HDAC9: variants seen among roughly 807,000 people sequenced by gnomAD.
HDAC9 encodes the protein histone deacetylase 9.
A neutral mutation model predicts 139.4 loss-of-function variants in HDAC9; 41 were observed. The ratio of observed to expected loss-of-function variants is 0.29; its 90% CI spans 0.23 to 0.38. HDAC9 has a LOEUF of 0.38. Ranked by LOEUF, HDAC9 falls within the 10% of genes least tolerant of loss-of-function variation. The pLI is 1.00. For missense variants in HDAC9, 1,147 were observed against 1,297.0 expected, an observed-to-expected ratio of 0.88 and a Z score of 1.78; for synonymous variants, 517 against 476.2, an observed-to-expected ratio of 1.09 and a Z score of -1.12.
chr7:18,847,022 A>G (rs1303715901), intron 21 of HDAC9, among the ~76,000 whole-genome samples: 1 of 152,138 alleles, frequency 6.6e-6, no homozygotes, highest in Non-Finnish European at 1.5e-5. Flanking sequence ...ATATTGTTTG[A>G]AGTTCTAAAA....
chr7:18,390,047 A>AACACAC (rs60514746), intron 1 of HDAC9, among the ~76,000 whole-genome samples: 20,534 of 130,300 alleles, frequency 0.16, 1,997 homozygotes, highest in South Asian at 0.23. Context: ...AGAGAAAGAC[A>AACACAC]ACACACACAC....
At chr7:18,182,209 G>A (rs1354716091) in intron 2 of HDAC9, among the ~76,000 whole-genome samples, 1 of 152,178 alleles carries the variant, frequency 6.6e-6, no homozygotes, top group Admixed American at 6.5e-5. Flanking sequence ...CTAGGTCATT[G>A]TGAAGGTATA....
intron 8 of HDAC9, among the ~76,000 whole-genome samples, chr7:18,637,224 A>C (rs1784164210): frequency 6.6e-6 from 1 of 152,024 alleles, no homozygotes; most frequent in Non-Finnish European, 1.5e-5. Context: ...TTCAGGGGGG[A>C]AGAAGGGGGA....
At chr7:18,920,436 C>A (rs895968958) in intron 22 of HDAC9, among the ~76,000 whole-genome samples, 2 of 152,090 alleles carry the variant, frequency 1.3e-5, no homozygotes, top group African/African-American at 2.4e-5. Context: ...ATGTCATCTG[C>A]AAACAGGGAC....
chr7:18,140,056 G>A (rs926224525), intron 1 of HDAC9, among the ~76,000 whole-genome samples: 16 of 152,158 alleles, frequency 1.1e-4, no homozygotes, highest in African/African-American at 3.9e-4. Flanking sequence ...CAACACTGTG[G>A]AGAAGTGTAA....
chr7:18,937,343 G>A (rs1055062731), intron 23 of HDAC9, among the ~76,000 whole-genome samples: 1 of 152,044 alleles, frequency 6.6e-6, no homozygotes, highest in Non-Finnish European at 1.5e-5. Context: ...TGGCTGTCTT[G>A]TTAATTTTAG....
intron 1 of HDAC9, among the ~76,000 whole-genome samples, chr7:18,460,135 C>G (rs536672226): frequency 2.0e-5 from 3 of 151,998 alleles, no homozygotes; most frequent in African/African-American, 7.2e-5. Context: ...TGTCCAGGCT[C>G]GTCTCCAACT....
chr7:18,976,133 C>A (rs960946600), intron 25 of HDAC9, among the ~76,000 whole-genome samples, 180 bp downstream of exon 25: 2 of 152,218 alleles, frequency 1.3e-5, no homozygotes, highest in Non-Finnish European at 2.9e-5. Context: ...TTGCTTCATT[C>A]TTCATGTGAA....
At chr7:18,270,451 A>G (rs958780328) in intron 2 of HDAC9, among the ~76,000 whole-genome samples, 1 of 152,176 alleles carries the variant, frequency 6.6e-6, no homozygotes, top group Admixed American at 6.6e-5. Context: ...AAACTTCTGG[A>G]TGCTTAATAA....
intron 6 of HDAC9, among the ~76,000 whole-genome samples, chr7:18,625,876 G>A (rs1223190998): frequency 1.3e-5 from 2 of 149,122 alleles, no homozygotes; most frequent in Non-Finnish European, 1.5e-5. Context: ...CCCAGGAGGC[G>A]GAGGTTGCAG....
intron 14 of HDAC9, among the ~76,000 whole-genome samples, chr7:18,750,079 T>C (rs919688067): frequency 6.6e-6 from 1 of 152,214 alleles, no homozygotes; most frequent in Non-Finnish European, 1.5e-5. Flanking sequence ...TAAAATATTT[T>C]ACTTGAAATA....
At chr7:18,477,734 C>A (rs549846568) in intron 1 of HDAC9, among the ~76,000 whole-genome samples, 1 of 152,188 alleles carries the variant, frequency 6.6e-6, no homozygotes, top group East Asian at 1.9e-4. Flanking sequence ...CCATTATTCA[C>A]AAATTATATT....
chr7:18,990,459 G>A (rs553490215), intron 25 of HDAC9, among the ~76,000 whole-genome samples: 10 of 152,358 alleles, frequency 6.6e-5, no homozygotes, highest in African/African-American at 1.7e-4. Context: ...AATGCTGTCA[G>A]ACAGGGACAT....
chr7:18,391,326 A>G (rs575528883), intron 1 of HDAC9, among the ~76,000 whole-genome samples: 1 of 152,158 alleles, frequency 6.6e-6, no homozygotes, highest in East Asian at 1.9e-4. Flanking sequence ...CAGAGGCTGC[A>G]GTGAGCCGCT....
At chr7:18,982,113 T>C (rs1043386364) in intron 25 of HDAC9, among the ~76,000 whole-genome samples, 1 of 152,162 alleles carries the variant, frequency 6.6e-6, no homozygotes, top group African/African-American at 2.4e-5. Context: ...AAGAAGCCCT[T>C]ACTTTACAAG....
chr7:18,301,929 CA>C (rs1440964587), intron 1 of HDAC9, among the ~76,000 whole-genome samples: 1 of 152,172 alleles, frequency 6.6e-6, no homozygotes, highest in African/African-American at 2.4e-5. Flanking sequence ...TATAAATCTT[CA>C]GATCTATTTA....
intron 6 of HDAC9, among the ~76,000 whole-genome samples, chr7:18,625,313 G>A (rs1841376880): frequency 6.6e-6 from 1 of 152,010 alleles, no homozygotes; most frequent in East Asian, 1.9e-4. Context: ...GGGAATCTCT[G>A]ACAGATATTA....
At chr7:18,919,524 T>C (rs1479710519) in intron 22 of HDAC9, among the ~76,000 whole-genome samples, 1 of 151,970 alleles carries the variant, frequency 6.6e-6, no homozygotes, top group Non-Finnish European at 1.5e-5. Context: ...GGGATGTGTC[T>C]CCCAAATCTA....
chr7:18,193,641 T>G (rs1790519121), intron 2 of HDAC9, among the ~76,000 whole-genome samples: 2 of 152,240 alleles, frequency 1.3e-5, no homozygotes, highest in African/African-American at 4.8e-5. Context: ...AAAGCTCACC[T>G]ATAATATTTT....
Sources: allele counts gnomAD v4.1 joint callset (sites outside exome capture counted in the v4.1 genomes callset), GRCh38; gene constraint gnomAD v4.1.1; transcripts MANE v1.5; gene names NCBI Gene and HGNC (gene_info 2026-07-23, HGNC 2026-07-21).